Variants in SULF1 observed in about 807,000 individuals in gnomAD.
The protein encoded by SULF1 is sulfatase 1.
In SULF1, 46 loss-of-function variants were observed where a neutral mutation model predicts 110.5. The ratio of observed to expected loss-of-function variants is 0.42; its 90% confidence interval spans 0.33 to 0.53. The LOEUF is 0.53. Among genes scored for constraint, SULF1 ranks in the 20% least tolerant of loss-of-function variants. The pLI is 0.12. For synonymous variants in SULF1, 371 were observed against 387.1 expected (o/e 0.96, Z 0.49); for missense variants, 941 against 1,094.2 (o/e 0.86, Z 1.98).
intron 3 of SULF1, among the ~76,000 whole-genome samples, chr8:69,524,046 G>A (rs929235678): frequency 2.0e-5 from 3 of 152,050 alleles, no homozygotes; most frequent in African/African-American, 7.2e-5. Flanking sequence ...TAGGAACAAC[G>A]TCCTAGGGTC....
chr8:69,589,971 G>C (rs1806773279), intron 8 of SULF1, among the ~76,000 whole-genome samples: 1 of 152,164 alleles, frequency 6.6e-6, no homozygotes. Flanking sequence ...ACAGAAAATT[G>C]GTATCTGTTT....
intron 22 of SULF1, among the ~76,000 whole-genome samples, chr8:69,645,377 C>A (rs761211420): frequency 6.6e-6 from 1 of 152,082 alleles, no homozygotes. Context: ...CCCCAGGCTG[C>A]GGAATGAAAT....
At chr8:69,539,695 C>A (rs182532045) in intron 3 of SULF1, among the ~76,000 whole-genome samples, 220 of 152,238 alleles carry the variant, frequency 1.4e-3, no homozygotes, top group African/African-American at 5.0e-3. Flanking sequence ...CGGGGAGGGA[C>A]AGGGAATTTC....
chr8:69,481,279 A>T (rs893269013), intron 1 of SULF1, among the ~76,000 whole-genome samples: 12 of 152,192 alleles, frequency 7.9e-5, no homozygotes, highest in Non-Finnish European at 1.5e-4. Flanking sequence ...CCAGTATTAC[A>T]ACTTCTTATG....
In SULF1 at chr8:69,578,697, A is replaced by G. The variant is rs182621982; in HGVS notation, c.412+2488A>G. ...TTGTGCAGCCCGAGAAGTTTGTTTCAGTCGATGTCTTCTCCAGGGAGAGTA... is the reference window on the plus strand; with the variant it reads ...TTGTGCAGCCCGAGAAGTTTGTTTCGGTCGATGTCTTCTCCAGGGAGAGTA... On this transcript the variant is annotated intron_variant, in intron 6 of 22. Transcript: ENST00000402687. Among the ~76,000 whole-genome samples, 542 of 152,230 alleles carry G rather than the reference A, an allele frequency of 3.6e-3. 1 individual carries two copies. The highest frequency in any genetic ancestry group is 0.011 in the African/African-American group (451 of 41,526).
At chr8:69,492,419 G>T (rs1809987030), upstream of SULF1, among the ~76,000 whole-genome samples, 1 of 152,116 alleles carries the variant, frequency 6.6e-6, no homozygotes, top group Non-Finnish European at 1.5e-5. Flanking sequence ...AAGAGAACCA[G>T]CAGAAGCACC....
chr8:69,536,001 A>G (rs1182623546), intron 3 of SULF1, among the ~76,000 whole-genome samples: 8 of 151,958 alleles, frequency 5.3e-5, no homozygotes, highest in Admixed American at 3.3e-4. Context: ...CCCAGCAAAA[A>G]TACGAGACTC....
chr8:69,479,227 A>T (rs933302253), intron 1 of SULF1, among the ~76,000 whole-genome samples: 2 of 152,344 alleles, frequency 1.3e-5, no homozygotes, highest in Middle Eastern at 3.4e-3. Flanking sequence ...TATGTTATCA[A>T]TTAATTTCTC....
chr8:69,604,803 C>T lies in SULF1; in HGVS notation c.1248C>T (p.Gly416=). ...IWRDTFLVER[G]KFLRKKEESS... ...CGAAGCTTTTCCCTTTTTGTCGAAG[C>T]AAATTTCTACGTAAGAAGGAAGAAT... The change falls in exon 13 of 23, where the codon GGC becomes GGT. Residue 416 remains glycine, a splice_region_variant and synonymous_variant. Transcript: ENST00000402687. 6.2e-7 allele frequency: 1 copy of T among 1,613,602 alleles called. No individual in the cohort carries two copies. Among genetic ancestry groups the T allele is most frequent in the South Asian group, 1.1e-5 (1 of 91,060 alleles).
chr8:69,568,770 C>A (rs1804998222), intron 5 of SULF1, among the ~76,000 whole-genome samples: 1 of 152,088 alleles, frequency 6.6e-6, no homozygotes, highest in Admixed American at 6.6e-5. Context: ...AGTAAACACG[C>A]AAGGAAGTGA....
chr8:69,546,068 G>A (rs1814242329), intron 3 of SULF1, among the ~76,000 whole-genome samples: 1 of 152,134 alleles, frequency 6.6e-6, no homozygotes, highest in South Asian at 2.1e-4. Flanking sequence ...AACCTTGTGG[G>A]CACATAGAGT....
At chr8:69,500,015 G>C (rs1453293482) in intron 2 of SULF1, among the ~76,000 whole-genome samples, 1 of 152,138 alleles carries the variant, frequency 6.6e-6, no homozygotes, top group Non-Finnish European at 1.5e-5. Flanking sequence ...GCCTCCCAAA[G>C]TGCTGGGATT....
At chr8:69,504,021 A>T (rs2150576706) in intron 3 of SULF1, among the ~76,000 whole-genome samples, 1 of 151,946 alleles carries the variant, frequency 6.6e-6, no homozygotes, top group Non-Finnish European at 1.5e-5. Context: ...GATGGTCTCG[A>T]TCTCTTGACC....
intron 6 of SULF1, among the ~76,000 whole-genome samples, chr8:69,577,473 C>T (rs1052332043): frequency 5.9e-5 from 9 of 152,182 alleles, no homozygotes; most frequent in Non-Finnish European, 1.3e-4. Flanking sequence ...TGTTTTGCTT[C>T]TGGGAAGTGT....
intron 1 of SULF1, among the ~76,000 whole-genome samples, chr8:69,483,374 G>T (rs1809582622): frequency 6.6e-6 from 1 of 152,114 alleles, no homozygotes; most frequent in African/African-American, 2.4e-5. Context: ...CAATGAAGTG[G>T]ATTGGACAGG....
chr8:69,626,523 A>G (rs909776613), intron 15 of SULF1, among the ~76,000 whole-genome samples: 1 of 152,228 alleles, frequency 6.6e-6, no homozygotes, highest in African/African-American at 2.4e-5. Flanking sequence ...ACTGGGAGCC[A>G]TAGAGCAGGG....
chr8:69,649,043 A>G lies in SULF1; in HGVS notation c.2585+8202A>G, dbSNP rs181786141. ...TTCACCTGTCAGAACAAGCCTATCT[A>G]TACCTTTTCTCTCTGAATAAACAGC... On this transcript the variant is annotated intron_variant, in intron 22 of 22. Coordinates refer to ENST00000402687, the MANE Select transcript of SULF1 (RefSeq NM_001128205.2). Among the ~76,000 whole-genome samples, 175 of 152,336 alleles carry G rather than the reference A, an allele frequency of 1.1e-3. 1 individual carries two copies. Among genetic ancestry groups the G allele is most frequent in the Admixed American group, 3.6e-3 (55 of 15,300 alleles).
intron 13 of SULF1, among the ~76,000 whole-genome samples, chr8:69,607,354 G>C (rs1453266513): frequency 6.6e-6 from 1 of 152,070 alleles, no homozygotes; most frequent in East Asian, 1.9e-4. Flanking sequence ...CCTGATAGCT[G>C]TGTTGTGTGT....
rs140235210 is a variant in SULF1, at chr8:69,619,952, G to A, written c.1378-1083G>A. On this transcript the variant is annotated intron_variant, in intron 13 of 22. Transcript: ENST00000402687. ...CAATGGACCCTCTGCCTTTTGACAA[G>A]GGTAGAGGGCCAATATGACAGCTTT... Among the ~76,000 whole-genome samples the A allele has an allele frequency of 3.8e-3, 579 of 152,300 alleles. 5 individuals are homozygous for A. Among genetic ancestry groups the A allele is most frequent in the Middle Eastern group, 0.034 (10 of 294 alleles).
Sources: allele counts gnomAD v4.1 joint callset (sites outside exome capture counted in the v4.1 genomes callset), GRCh38; gene constraint gnomAD v4.1.1; transcripts MANE v1.5; gene names NCBI Gene and HGNC (gene_info 2026-07-23, HGNC 2026-07-21).